The following LRMDA variants were observed in gnomAD, a reference collection of about 807,000 sequenced individuals.
LRMDA encodes the protein leucine-rich melanocyte differentiation-associated protein.
LRMDA carries 18 observed loss-of-function variants against 29.8 expected under a neutral mutation model. That is an observed-to-expected ratio of 0.60 (90% CI 0.42 to 0.90). The LOEUF (loss-of-function observed/expected upper bound fraction) is 0.90, where lower values mean the gene tolerates loss of function less well. LRMDA is among the 40% of genes least tolerant of loss of function. The pLI, the probability that LRMDA is intolerant of heterozygous loss-of-function variation, is 0.00. For missense variants in LRMDA, 273 were observed against 273.9 expected (o/e 1.00, Z 0.02); for synonymous variants, 125 against 109.4 (o/e 1.14, Z -0.89).
intron 2 of LRMDA, among the ~76,000 whole-genome samples, chr10:75,612,800 T>C (rs1371130894): frequency 8.6e-5 from 13 of 150,906 alleles, no homozygotes; most frequent in East Asian, 1.9e-4. Flanking sequence ...AAAAACTGTG[T>C]AAAATAAAGT....
intron 2 of LRMDA, among the ~76,000 whole-genome samples, chr10:75,515,032 G>T (rs1339460059): frequency 6.6e-6 from 1 of 152,030 alleles, no homozygotes; most frequent in African/African-American, 2.4e-5. Flanking sequence ...CCATATAATG[G>T]AATATTATTC....
intron 5 of LRMDA, among the ~76,000 whole-genome samples, chr10:76,300,403 A>T (rs1840465530): frequency 6.6e-6 from 1 of 152,220 alleles, no homozygotes; most frequent in Non-Finnish European, 1.5e-5. Context: ...GATATTATCC[A>T]TTGATCATGG....
chr10:76,007,825 T>C (rs1037611738), intron 2 of LRMDA, among the ~76,000 whole-genome samples: 1 of 152,216 alleles, frequency 6.6e-6, no homozygotes, highest in Non-Finnish European at 1.5e-5. Context: ...GTCTTTGTGA[T>C]GGCTTGGAGG....
intron 5 of LRMDA, among the ~76,000 whole-genome samples, chr10:76,124,049 G>A (rs986491329): frequency 1.3e-5 from 2 of 151,980 alleles, no homozygotes; most frequent in Non-Finnish European, 2.9e-5. Flanking sequence ...CTTCTACCTT[G>A]TCTCATTTCC....
chr10:76,230,511 A>G (rs1293456856), intron 5 of LRMDA, among the ~76,000 whole-genome samples: 4 of 151,610 alleles, frequency 2.6e-5, no homozygotes. Context: ...GAAAATATCA[A>G]TTAAAACAAC....
At chr10:76,422,528 C>G (rs1172741132) in intron 6 of LRMDA, among the ~76,000 whole-genome samples, 1 of 152,120 alleles carries the variant, frequency 6.6e-6, no homozygotes. Context: ...CCATGCTCTC[C>G]TCAGTCTGTC....
At chr10:76,022,991 G>A (rs1007094891) in intron 2 of LRMDA, among the ~76,000 whole-genome samples, 1 of 151,646 alleles carries the variant, frequency 6.6e-6, no homozygotes, top group African/African-American at 2.4e-5. Flanking sequence ...ATTAACCAAT[G>A]GTTAATGTCT....
intron 2 of LRMDA, among the ~76,000 whole-genome samples, chr10:75,597,030 C>A (rs1319563473): frequency 1.3e-5 from 2 of 151,750 alleles, no homozygotes; most frequent in African/African-American, 4.8e-5. Flanking sequence ...TCCCTCTCCC[C>A]CTCTCCCTTT....
intron 2 of LRMDA, among the ~76,000 whole-genome samples, chr10:75,563,858 T>C (rs9416071): frequency 0.63 from 95,561 of 151,946 alleles, 32,421 homozygotes; most frequent in East Asian, 0.85. Context: ...TTTCGTGAAC[T>C]GCGAATGCTG....
At chr10:75,923,432 T>C (rs1846059640) in intron 2 of LRMDA, among the ~76,000 whole-genome samples, 1 of 152,102 alleles carries the variant, frequency 6.6e-6, no homozygotes, top group Admixed American at 6.5e-5. Flanking sequence ...CATGTAGAAA[T>C]CAGCGCTGTC....
At chr10:76,177,308 T>C (rs1445307468) in intron 5 of LRMDA, among the ~76,000 whole-genome samples, 1 of 152,198 alleles carries the variant, frequency 6.6e-6, no homozygotes, top group Non-Finnish European at 1.5e-5. Flanking sequence ...GCTTTAACTT[T>C]AATATCTGAT....
At chr10:76,431,733 G>T (rs1312829760) in intron 6 of LRMDA, among the ~76,000 whole-genome samples, 1 of 152,190 alleles carries the variant, frequency 6.6e-6, no homozygotes, top group African/African-American at 2.4e-5. Context: ...GATATGGTTT[G>T]GTTGTGTCCC....
intron 6 of LRMDA, among the ~76,000 whole-genome samples, chr10:76,446,986 G>A (rs564614242): frequency 1.1e-4 from 16 of 151,940 alleles, no homozygotes; most frequent in African/African-American, 3.9e-4. Context: ...CAGTAGTCCT[G>A]CTGTGGCCTA....
chr10:75,440,813 A>G (rs945624550), intron 2 of LRMDA, among the ~76,000 whole-genome samples: 1 of 152,206 alleles, frequency 6.6e-6, no homozygotes, highest in African/African-American at 2.4e-5. Flanking sequence ...AGGCGGGCAA[A>G]TCACCTGAGG....
intron 6 of LRMDA, among the ~76,000 whole-genome samples, chr10:76,369,203 A>G (rs1841425896): frequency 6.6e-6 from 1 of 151,970 alleles, no homozygotes; most frequent in Non-Finnish European, 1.5e-5. Flanking sequence ...TTTTTGTTTT[A>G]TAGGTCCTGT....
chr10:75,611,783 G>C (rs1841035606), intron 2 of LRMDA, among the ~76,000 whole-genome samples: 1 of 152,204 alleles, frequency 6.6e-6, no homozygotes, highest in Admixed American at 6.5e-5. Context: ...GCACAGTATA[G>C]GTTGGATTTC....
chr10:75,802,335 G>GCACACACACACACACA (rs10571839), intron 2 of LRMDA, among the ~76,000 whole-genome samples: 1 of 147,044 alleles, frequency 6.8e-6, no homozygotes, highest in Non-Finnish European at 1.5e-5. Flanking sequence ...ACACACACGC[G>GCACACACACACACACA]CACACACACA....
At chr10:75,447,696 A>T (rs1256617269) in intron 2 of LRMDA, among the ~76,000 whole-genome samples, 1 of 152,088 alleles carries the variant, frequency 6.6e-6, no homozygotes, top group African/African-American at 2.4e-5. Context: ...GGAGTTTGAA[A>T]CCAGCCTGGG....
chr10:75,964,985 T>C (rs1846832577), intron 2 of LRMDA, among the ~76,000 whole-genome samples: 1 of 152,194 alleles, frequency 6.6e-6, no homozygotes, highest in Admixed American at 6.5e-5. Flanking sequence ...AGGCTGGTCT[T>C]GAACTCCTGA....
Sources: gnomAD v4.1 joint callset for allele counts (sites outside exome capture counted in the v4.1 genomes callset) on GRCh38, gnomAD v4.1.1 for gene constraint, MANE v1.5 for transcripts, NCBI Gene and HGNC (gene_info 2026-07-23, HGNC 2026-07-21) for gene names.